The following ANKHD1 variants were observed in gnomAD, a reference collection of about 807,000 sequenced individuals.
ANKHD1 encodes ankyrin repeat and KH domain containing 1.
Under a neutral mutation model 230.5 loss-of-function variants are expected in ANKHD1, and 31 were observed. That is an observed-to-expected ratio of 0.13 (90% CI 0.10 to 0.18). The LOEUF is 0.18. ANKHD1 is among the 10% of genes least tolerant of loss of function. ANKHD1 has a pLI of 1.00. For missense variants in ANKHD1, 2,256 were observed against 3,071.3 expected (o/e 0.73, Z 6.27); for synonymous variants, 1,074 against 1,117.6 (o/e 0.96, Z 0.78).
intron 15 of ANKHD1, among the ~76,000 whole-genome samples, chr5:140,500,539 T>C (rs981487487): frequency 1.3e-5 from 2 of 150,290 alleles, no homozygotes; most frequent in African/African-American, 4.9e-5. Context: ...TCCCAGCTAC[T>C]TGGGGGGCTG....
chr5:140,511,916 A>T (rs1752786915), intron 22 of ANKHD1, among the ~76,000 whole-genome samples: 1 of 152,152 alleles, frequency 6.6e-6, no homozygotes, highest in African/African-American at 2.4e-5. Flanking sequence ...GTAGGAAGGG[A>T]AACTATGCAA....
intron 1 of ANKHD1, among the ~76,000 whole-genome samples, chr5:140,431,204 A>C (rs1230779794): frequency 2.0e-5 from 3 of 152,234 alleles, no homozygotes; most frequent in Admixed American, 6.5e-5. Flanking sequence ...GATTGATACA[A>C]ATGTATTCAT....
chr5:140,519,316 G>A (rs970681907), intron 24 of ANKHD1, among the ~76,000 whole-genome samples: 9 of 152,300 alleles, frequency 5.9e-5, no homozygotes, highest in South Asian at 2.1e-4. Context: ...ATGCTCATGA[G>A]TAGGAAGAAT....
rs1301002746 is a variant in ANKHD1, at chr5:140,497,254, G to A, written c.2980G>A (p.Asp994Asn). 3 of 1,604,882 alleles carry A rather than the reference G, an allele frequency of 1.9e-6. No individual in the cohort carries two copies. Among genetic ancestry groups the A allele is most frequent in the South Asian group, 1.1e-5 (1 of 91,044 alleles). ...MVATPAQTLT[D>N]TLDDLIAAVS... is the part of the protein sequence containing the mutation. ...TGCAACTCCAGCTCAGACGCTTACC[G>A]ACACTCTTGATGACCTGATAGCAGG... is the stretch of plus-strand genomic sequence containing the variant. Residue 994 changes from aspartate to asparagine, a missense_variant, in exon 15 of 34, where the codon GAC becomes AAC. Asp to Asn is a conservative substitution (Grantham distance 23, BLOSUM62 1). Around this residue, in one of 13 missense-constraint regions of ANKHD1, gnomAD observed 358 missense variants for 397.7 expected, o/e 0.90. Transcript: ENST00000360839.
At position 140,515,578 on chromosome 5, in the gene ANKHD1, G is replaced by A. The variant is rs150090481; in HGVS notation, c.4317+2099G>A. Among the ~76,000 whole-genome samples, 398 of 152,272 alleles carry A rather than the reference G, an allele frequency of 2.6e-3. 3 individuals carry two copies. The highest frequency in any genetic ancestry group is 9.0e-3 in the African/African-American group (374 of 41,558). The stretch of plus-strand genomic sequence containing the variant: ...AAGAGAGCAGTGGTTCTCCCAGCAC[G>A]CAGCTGGAGATCTGAGAACGGGCAG... On this transcript the variant is annotated intron_variant, in intron 24 of 33. Transcript: ENST00000360839.
chr5:140,409,551 T>TGG, intron 1 of ANKHD1, among the ~76,000 whole-genome samples: 1 of 4,820 alleles, frequency 2.1e-4, no homozygotes, highest in South Asian at 0.012. Flanking sequence ...CTGTAACAAT[T>TGG]TTTTTTTTTT....
intron 14 of ANKHD1, among the ~76,000 whole-genome samples, chr5:140,496,087 G>A (rs565687183): frequency 6.6e-6 from 1 of 152,280 alleles, no homozygotes; most frequent in South Asian, 2.1e-4. Context: ...CTAAAAGAAT[G>A]ATTGTTCTAA....
intron 1 of ANKHD1, among the ~76,000 whole-genome samples, chr5:140,426,645 T>C (rs1473940753): frequency 6.6e-6 from 1 of 152,106 alleles, no homozygotes; most frequent in African/African-American, 2.4e-5. Flanking sequence ...CTGGTTTTCC[T>C]AGGCAGAGGA....
chr5:140,440,443 G>A (rs3822328), intron 4 of ANKHD1, among the ~76,000 whole-genome samples, 177 bp downstream of exon 4: 3 of 152,064 alleles, frequency 2.0e-5, no homozygotes, highest in East Asian at 3.9e-4. Context: ...TTTTGTTGCC[G>A]GTACATGTAA....
At chr5:140,445,144 G>A (rs532117004) in intron 5 of ANKHD1, among the ~76,000 whole-genome samples, 2 of 152,066 alleles carry the variant, frequency 1.3e-5, no homozygotes, top group African/African-American at 4.8e-5. Flanking sequence ...ACAGGTGTGA[G>A]CCATCGCACC....
Position 140,438,750 on chromosome 5 carries a change from A to T in ANKHD1, c.617+133A>T, listed in dbSNP as rs548397738. 15 of 1,215,054 alleles carry T rather than the reference A, an allele frequency of 1.2e-5. No homozygotes were observed. The South Asian group carries it at 2.5e-4, about 21-fold the overall frequency. The allele number at this position is 1,215,054 out of a possible 1,614,324, so 75.3% of individuals were successfully genotyped here. On this transcript the variant is annotated intron_variant, in intron 3 of 33. Transcript: ENST00000360839. ...TGAAAGGATATTACATTTTAAGTGG[A>T]TATATAAATGTATATGTATTATGTA...
chr5:140,523,674 C>G (rs1005007553), intron 24 of ANKHD1, among the ~76,000 whole-genome samples: 2 of 151,762 alleles, frequency 1.3e-5, no homozygotes, highest in African/African-American at 4.8e-5. Flanking sequence ...GATTGTCCTG[C>G]CTCAGCCTCT....
rs1421091442 is a variant in ANKHD1, at chr5:140,496,885, C to A, written c.2611C>A (p.Gln871Lys). 5.0e-6 allele frequency: 8 copies of A among 1,613,948 alleles called. No individual in the cohort carries two copies. The highest frequency in any genetic ancestry group is 1.3e-5 in the African/African-American group (1 of 74,890). The stretch of plus-strand genomic sequence containing the variant: ...TCAGAAAGACACAGTGTCTCTACAC[C>A]AACAGTGCTCTCATAGAGGAGTCTT... ...KGQKDTVSLHQQCSHRGVFPE... is the reference protein window; with the variant it reads ...KGQKDTVSLHKQCSHRGVFPE... The change falls in exon 15 of 34, where the codon CAA (glutamine) becomes AAA (lysine). Residue 871 changes from glutamine to lysine, a missense_variant. By Grantham distance (53) the Gln-to-Lys change is moderately conservative (BLOSUM62 1). Coordinates refer to ENST00000360839, the MANE Select transcript of ANKHD1 (RefSeq NM_017747.3).
At position 140,526,099 on chromosome 5, in the gene ANKHD1, G is replaced by A. The variant is rs1330004444; in HGVS notation, c.4596G>A (p.Arg1532=). 6.2e-7 allele frequency: 1 copy of A among 1,613,784 alleles called. No homozygotes were observed. The part of the protein sequence containing the change: ...ATFTNVFGKK[R]ANVVTTPSTN... Reference sequence around the variant, plus strand: ...TCACAAATGTGTTTGGGAAAAAAAGGGCCAATGTGGTGACAACTCCCAGCA... The same window carrying A: ...TCACAAATGTGTTTGGGAAAAAAAGAGCCAATGTGGTGACAACTCCCAGCA... Residue 1532 remains arginine (R), a synonymous_variant, in exon 26 of 34, where the codon AGG becomes AGA. Transcript: ENST00000360839.
Position 140,529,653 on chromosome 5 carries a change from G to A in ANKHD1, c.6707G>A (p.Arg2236Gln), listed in dbSNP as rs1010522525. ...TGGGGAGATGGTCCACTGTCCTCAC[G>A]AGTTGCTACAGATGCCTCTTTCACT... ...QGWGDGPLSSRVATDASFTVQ... is the reference protein window; with the variant it reads ...QGWGDGPLSSQVATDASFTVQ... The change falls in exon 29 of 34, where the codon CGA becomes CAA. Residue 2236 changes from arginine to glutamine, a missense_variant. Coordinates refer to ENST00000360839, the MANE Select transcript of ANKHD1 (RefSeq NM_017747.3). 7 of 1,614,172 alleles carry A rather than the reference G, an allele frequency of 4.3e-6. No individual in the cohort carries two copies. Among genetic ancestry groups the A allele is most frequent in the East Asian group, 2.2e-5 (1 of 44,878 alleles).
intron 7 of ANKHD1, among the ~76,000 whole-genome samples, chr5:140,458,058 A>T (rs1023019704): frequency 6.6e-6 from 1 of 152,172 alleles, no homozygotes; most frequent in Non-Finnish European, 1.5e-5. Context: ...CATTGCAACA[A>T]GGTGTTGTGA....
chr5:140,485,771 C>T lies in ANKHD1; in HGVS notation c.2142+39C>T, dbSNP rs1290134505. The T allele has an allele frequency of 6.2e-7, 1 of 1,602,274 alleles. No homozygotes were observed. Among genetic ancestry groups the T allele is most frequent in the Non-Finnish European group, 8.5e-7 (1 of 1,177,428 alleles). On this transcript the variant is annotated intron_variant, in intron 13 of 33. Transcript: ENST00000360839. The surrounding 1 kb of genome is among the most constrained non-coding windows in gnomAD (Gnocchi z 4.8). ...GAGCTTGTTTGTTAATATAAATATT[C>T]TTCAACATGATTAGAAGTTTTTGTT... is the stretch of plus-strand genomic sequence containing the variant.
intron 29 of ANKHD1, among the ~76,000 whole-genome samples, chr5:140,531,003 A>G (rs768741731): frequency 2.6e-5 from 4 of 152,254 alleles, no homozygotes; most frequent in Non-Finnish European, 4.4e-5. Context: ...GCATATGACT[A>G]TCTATGGTCC....
chr5:140,447,294 C>T (rs921708852), intron 6 of ANKHD1, among the ~76,000 whole-genome samples: 2 of 152,086 alleles, frequency 1.3e-5, no homozygotes, highest in African/African-American at 4.8e-5. Context: ...CCTCAAACTC[C>T]TGGGTTCAAG....
Sources: gnomAD v4.1 joint callset for allele counts (sites outside exome capture counted in the v4.1 genomes callset) on GRCh38, gnomAD v4.1.1 for gene constraint, gnomAD v4.1.1 regional missense constraint, Gnocchi (gnomAD v3.1) non-coding constraint, MANE v1.5 for transcripts, NCBI Gene and HGNC (gene_info 2026-07-23, HGNC 2026-07-21) for gene names.